SEC24D: variants seen among roughly 807,000 people sequenced by gnomAD.
The protein encoded by SEC24D is protein transport protein Sec24D.
In SEC24D, 69 loss-of-function variants were observed where a neutral mutation model predicts 116.9. The ratio of observed to expected loss-of-function variants is 0.59; its 90% CI spans 0.49 to 0.72. The LOEUF is 0.72. Among genes scored for constraint, SEC24D ranks in the 30% least tolerant of loss-of-function variants. The pLI, the probability that SEC24D is intolerant of heterozygous loss-of-function variation, is 0.00. For synonymous variants in SEC24D, 405 were observed against 442.8 expected, an observed-to-expected ratio of 0.91 and a Z score of 1.07; for missense variants, 1,131 against 1,264.1, an observed-to-expected ratio of 0.89 and a Z score of 1.60.
In SEC24D at chr4:118,797,048, AG is replaced by A. The variant is rs1227550724; in HGVS notation, c.1041+634del. On this transcript the variant is annotated intron_variant, in intron 8 of 22. Coordinates refer to ENST00000280551, the MANE Select transcript of SEC24D (RefSeq NM_014822.4). ...TTCATCACTCAGGGGCATCAAAAGA[AG>A]GAATGGCAGCAGTGTAGGTTGGAAT... is the stretch of plus-strand genomic sequence containing the variant. Among the ~76,000 whole-genome samples the A allele has an allele frequency of 1.6e-4, 24 of 152,344 alleles. No homozygotes were observed. The East Asian group carries it at 4.6e-3, about 29-fold the overall frequency.
intron 15 of SEC24D, 62 bp from the exon 16 acceptor site, chr4:118,741,099 C>A (rs1463841216): frequency 2.5e-6 from 2 of 804,342 alleles, no homozygotes; most frequent in South Asian, 1.9e-5. Context: ...AAATAACGTT[C>A]TCATTTTAAT....
At chr4:118,737,912 A>T (rs1398350976) in intron 19 of SEC24D, among the ~76,000 whole-genome samples, 1 of 152,144 alleles carries the variant, frequency 6.6e-6, no homozygotes, top group East Asian at 1.9e-4. Context: ...ATATGCCTAA[A>T]ATGTATTTAA....
At chr4:118,741,109 T>C in intron 15 of SEC24D, 72 bp from the exon 16 acceptor site, 1 of 708,298 alleles carries the variant, frequency 1.4e-6, no homozygotes, top group Non-Finnish European at 2.3e-6. Flanking sequence ...CTCATTTTAA[T>C]CCTGAGTTAT....
intron 11 of SEC24D, among the ~76,000 whole-genome samples, chr4:118,756,225 A>ATCATATTCAGC (rs1727085141): frequency 6.6e-6 from 1 of 152,164 alleles, no homozygotes; most frequent in South Asian, 2.1e-4. Context: ...AATAAAATAC[A>ATCATATTCAGC]TCATATTCAG....
chr4:118,826,620 CTTTT>C (rs750598413), intron 2 of SEC24D, among the ~76,000 whole-genome samples: 19 of 146,936 alleles, frequency 1.3e-4, no homozygotes, highest in Non-Finnish European at 2.6e-4. Flanking sequence ...TTTTTTTGGT[CTTTT>C]TTTTTCTTTT....
Position 118,752,024 on chromosome 4 carries a change from A to C in SEC24D, c.1679T>G (p.Val560Gly). ...SNENETVFAP[V>G]IQAGMEALKA... The stretch of plus-strand genomic sequence containing the variant: ...TAGTGCTTCCATGCCAGCCTGGATG[A>C]CAGGAGCAAAGACAGTCTCATTTTC... The change falls in exon 13 of 23, where the codon GTC (valine) becomes GGC (glycine). Residue 560 changes from valine (V) to glycine (G), a missense_variant. Coordinates refer to ENST00000280551, the MANE Select transcript of SEC24D (RefSeq NM_014822.4). 1 of 1,613,176 alleles carries C rather than the reference A, an allele frequency of 6.2e-7. No individual in the cohort carries two copies. Among genetic ancestry groups the C allele is most frequent in the Non-Finnish European group, 8.5e-7 (1 of 1,179,362 alleles).
At chr4:118,754,717 T>C (rs1363310588) in intron 11 of SEC24D, among the ~76,000 whole-genome samples, 2 of 152,158 alleles carry the variant, frequency 1.3e-5, no homozygotes, top group Non-Finnish European at 2.9e-5. Flanking sequence ...GTCACCCTGA[T>C]AGTTTAGAAC....
At chr4:118,829,907 A>G (rs1264285896) in intron 2 of SEC24D, among the ~76,000 whole-genome samples, 1 of 152,254 alleles carries the variant, frequency 6.6e-6, no homozygotes, top group East Asian at 1.9e-4. Flanking sequence ...ACACAAAGCA[A>G]GAGTTAGCAC....
chr4:118,835,128 G>A (rs972112499), intron 1 of SEC24D, among the ~76,000 whole-genome samples: 9 of 152,132 alleles, frequency 5.9e-5, no homozygotes, highest in Non-Finnish European at 1.2e-4. Context: ...CCTGAGCGCT[G>A]GTCAAGCTCA....
chr4:118,813,330 T>C (rs1036739202), intron 6 of SEC24D, among the ~76,000 whole-genome samples: 15 of 152,194 alleles, frequency 9.9e-5, no homozygotes, highest in Admixed American at 9.8e-4. Context: ...CAGCCCTGCT[T>C]AGTCCGTTTT....
intron 6 of SEC24D, among the ~76,000 whole-genome samples, chr4:118,806,674 T>C (rs1729692683): frequency 1.3e-5 from 2 of 151,702 alleles, no homozygotes; most frequent in Non-Finnish European, 2.9e-5. Context: ...AGAAAAGAAA[T>C]TGAAAACAAC....
intron 8 of SEC24D, among the ~76,000 whole-genome samples, chr4:118,786,022 T>TA (rs1346994172): frequency 3.3e-5 from 5 of 152,202 alleles, no homozygotes; most frequent in African/African-American, 7.2e-5. Context: ...TTTAAACAAC[T>TA]ACAGGTTAAG....
At chr4:118,803,255 T>A (rs1729527540) in intron 7 of SEC24D, among the ~76,000 whole-genome samples, 1 of 152,160 alleles carries the variant, frequency 6.6e-6, no homozygotes, top group African/African-American at 2.4e-5. Flanking sequence ...AAATAATAAA[T>A]TTTATGTTAT....
intron 8 of SEC24D, among the ~76,000 whole-genome samples, chr4:118,794,012 T>C (rs1196426285): frequency 1.3e-5 from 2 of 152,214 alleles, no homozygotes; most frequent in South Asian, 2.1e-4. Context: ...TCTAACCTCC[T>C]GTTTAATACT....
chr4:118,795,251 T>C (rs944201413), intron 8 of SEC24D, among the ~76,000 whole-genome samples: 1 of 151,742 alleles, frequency 6.6e-6, no homozygotes, highest in Non-Finnish European at 1.5e-5. Flanking sequence ...TCTCCAATCT[T>C]GTGAGCCAAG....
At chr4:118,728,046 G>A (rs1560598316) in intron 22 of SEC24D, among the ~76,000 whole-genome samples, 1 of 151,998 alleles carries the variant, frequency 6.6e-6, no homozygotes, top group Non-Finnish European at 1.5e-5. Context: ...GCTTGGGAAG[G>A]AAAACAAGTA....
chr4:118,835,004 C>A (rs1731030402), intron 1 of SEC24D, among the ~76,000 whole-genome samples: 1 of 152,190 alleles, frequency 6.6e-6, no homozygotes, highest in Non-Finnish European at 1.5e-5. Flanking sequence ...ATTTCCTTCT[C>A]CTGGGAAGGG....
At chr4:118,727,242 A>G (rs1278932899) in intron 22 of SEC24D, among the ~76,000 whole-genome samples, 1 of 152,202 alleles carries the variant, frequency 6.6e-6, no homozygotes, top group Non-Finnish European at 1.5e-5. Context: ...ATACATTTGC[A>G]GATAGTACAT....
chr4:118,794,161 T>C (rs939354907), intron 8 of SEC24D, among the ~76,000 whole-genome samples: 2 of 152,240 alleles, frequency 1.3e-5, no homozygotes, highest in African/African-American at 4.8e-5. Context: ...AAAATGCGTA[T>C]ATGCATTTTT....
Sources: allele counts gnomAD v4.1 joint callset (sites outside exome capture counted in the v4.1 genomes callset), GRCh38; gene constraint gnomAD v4.1.1; transcripts MANE v1.5; gene names NCBI Gene and HGNC (gene_info 2026-07-23, HGNC 2026-07-21).